ERBB4: variants seen among roughly 807,000 people sequenced by gnomAD.
ERBB4 encodes receptor tyrosine-protein kinase erbB-4.
Under a neutral mutation model 158.0 loss-of-function variants are expected in ERBB4, and 42 were observed. The ratio of observed to expected loss-of-function variants is 0.27; its 90% CI spans 0.21 to 0.34. ERBB4 has a LOEUF of 0.34. ERBB4 is among the 10% of genes least tolerant of loss of function. The probability of loss-of-function intolerance (pLI) is 1.00; values close to 1 mark genes in which losing one functional copy is unlikely to be tolerated. For missense variants in ERBB4, 1,333 were observed against 1,624.1 expected (o/e 0.82, Z 3.08); for synonymous variants, 583 against 558.7 (o/e 1.04, Z -0.61).
intron 2 of ERBB4, among the ~76,000 whole-genome samples, chr2:212,095,305 G>C (rs2078897052): frequency 6.6e-6 from 1 of 152,100 alleles, no homozygotes; most frequent in African/African-American, 2.4e-5. Flanking sequence ...TATTAAACTT[G>C]TTCCTGGCTG....
At chr2:212,254,100 T>A (rs1395880209) in intron 1 of ERBB4, among the ~76,000 whole-genome samples, 17 of 150,522 alleles carry the variant, frequency 1.1e-4, no homozygotes, top group East Asian at 3.9e-4. Context: ...CTGTAAAATT[T>A]AAAAAAAAAA....
chr2:212,353,119 A>G (rs2089323046), intron 1 of ERBB4, among the ~76,000 whole-genome samples: 1 of 152,104 alleles, frequency 6.6e-6, no homozygotes, highest in Non-Finnish European at 1.5e-5. Context: ...TGCAGCCGTC[A>G]GGACCAGTTC....
rs189481616 is a variant in ERBB4, at chr2:211,832,780, C to T, written c.422-44621G>A. On this transcript the variant is annotated intron_variant, in intron 3 of 27. Transcript: ENST00000342788. ...GGGGTCAGAGGATAGCTGAAGAACA[C>T]ATTCCCTGTCTATACGCATTGATAT... 4.6e-5 allele frequency among the ~76,000 whole-genome samples: 7 copies of T among 150,880 alleles called. No homozygotes were observed. In the Admixed American group the frequency reaches 4.6e-4, roughly 10 times the overall value.
chr2:211,441,831 GT>G (rs1365491662), intron 20 of ERBB4, among the ~76,000 whole-genome samples: 1 of 152,050 alleles, frequency 6.6e-6, no homozygotes. Flanking sequence ...CTATTCTTGA[GT>G]CCCTAGTAAC....
At chr2:211,964,361 C>T (rs930502695) in intron 2 of ERBB4, among the ~76,000 whole-genome samples, 1 of 152,136 alleles carries the variant, frequency 6.6e-6, no homozygotes, top group Non-Finnish European at 1.5e-5. Flanking sequence ...ATTTAACCTC[C>T]AATCACCATT....
chr2:211,964,280 T>C (rs1225028145), intron 2 of ERBB4, among the ~76,000 whole-genome samples: 1 of 152,162 alleles, frequency 6.6e-6, no homozygotes, highest in Non-Finnish European at 1.5e-5. Flanking sequence ...ATCCTCTTCA[T>C]CAACATCATC....
At chr2:212,086,626 GA>G (rs2078622222) in intron 2 of ERBB4, among the ~76,000 whole-genome samples, 1 of 151,888 alleles carries the variant, frequency 6.6e-6, no homozygotes, top group Non-Finnish European at 1.5e-5. Context: ...GGCTGATATG[GA>G]ACCAAAAATA....
At chr2:211,675,915 A>C (rs1181052880) in intron 13 of ERBB4, among the ~76,000 whole-genome samples, 2 of 151,382 alleles carry the variant, frequency 1.3e-5, no homozygotes, top group African/African-American at 4.8e-5. Context: ...AACTCAGATA[A>C]ATAGACGAAA....
chr2:212,273,130 A>G (rs111267882), intron 1 of ERBB4, among the ~76,000 whole-genome samples: 36 of 151,862 alleles, frequency 2.4e-4, no homozygotes, highest in African/African-American at 8.0e-4. Flanking sequence ...ATTTCTGGAA[A>G]AAGAAAGAAC....
intron 25 of ERBB4, among the ~76,000 whole-genome samples, chr2:211,406,993 T>G (rs1295610144): frequency 6.6e-6 from 1 of 152,014 alleles, no homozygotes; most frequent in African/African-American, 2.4e-5. Flanking sequence ...GGTAAGAGGA[T>G]TGCTTGATCC....
chr2:212,506,918 C>G (rs1026227826), intron 1 of ERBB4, among the ~76,000 whole-genome samples: 3 of 152,112 alleles, frequency 2.0e-5, no homozygotes, highest in Admixed American at 6.6e-5. Flanking sequence ...GATAAGACAG[C>G]CTTCTATTAA....
At chr2:212,513,512 A>G (rs1350381411) in intron 1 of ERBB4, among the ~76,000 whole-genome samples, 1 of 152,160 alleles carries the variant, frequency 6.6e-6, no homozygotes, top group Non-Finnish European at 1.5e-5. Context: ...AAACACAAAG[A>G]AGTTAATTAA....
At chr2:211,678,205 G>T (rs71422750) in intron 13 of ERBB4, among the ~76,000 whole-genome samples, 19,122 of 151,706 alleles carry the variant, frequency 0.13, 1,313 homozygotes, top group African/African-American at 0.18. Flanking sequence ...AACTACAGTG[G>T]TAGTTTTTCT....
chr2:212,157,528 G>C (rs1018774162), intron 1 of ERBB4, among the ~76,000 whole-genome samples: 1 of 151,922 alleles, frequency 6.6e-6, no homozygotes, highest in Non-Finnish European at 1.5e-5. Flanking sequence ...ATCATTTTTA[G>C]GTATTGTAAA....
intron 1 of ERBB4, among the ~76,000 whole-genome samples, chr2:212,344,231 T>C (rs192319735): frequency 6.6e-6 from 1 of 152,228 alleles, no homozygotes; most frequent in African/African-American, 2.4e-5. Flanking sequence ...ACTAATGACA[T>C]CATGGGGCTG....
chr2:212,205,449 T>G (rs2082718131), intron 1 of ERBB4, among the ~76,000 whole-genome samples: 1 of 152,216 alleles, frequency 6.6e-6, no homozygotes, highest in Non-Finnish European at 1.5e-5. Flanking sequence ...TATTATAAAT[T>G]TCTACACTTT....
At chr2:212,378,959 CA>C (rs1489098353) in intron 1 of ERBB4, among the ~76,000 whole-genome samples, 4 of 151,714 alleles carry the variant, frequency 2.6e-5, no homozygotes. Flanking sequence ...CATCGTATGG[CA>C]CCCAGTTGTT....
intron 3 of ERBB4, among the ~76,000 whole-genome samples, chr2:211,816,155 G>C (rs1216575322): frequency 2.0e-5 from 3 of 151,948 alleles, no homozygotes; most frequent in African/African-American, 4.8e-5. Context: ...ATATCCTGTT[G>C]GTTCTGTCCC....
At chr2:211,510,809 T>C (rs1406573065) in intron 20 of ERBB4, among the ~76,000 whole-genome samples, 1 of 152,064 alleles carries the variant, frequency 6.6e-6, no homozygotes, top group East Asian at 1.9e-4. Flanking sequence ...TCAGAGATGC[T>C]AGCAATCTCT....
Sources: allele counts gnomAD v4.1 joint callset (sites outside exome capture counted in the v4.1 genomes callset), GRCh38; gene constraint gnomAD v4.1.1; transcripts MANE v1.5; gene names NCBI Gene and HGNC (gene_info 2026-07-23, HGNC 2026-07-21).